Variants in RTN4 observed in about 807,000 individuals in gnomAD.
The protein encoded by RTN4 is reticulon 4, also known as reticulon-4.
A neutral mutation model predicts 90.4 loss-of-function variants in RTN4; 32 were observed. The observed-to-expected ratio is 0.35, with a 90% confidence interval of 0.27 to 0.48. The LOEUF is 0.48. Ranked by LOEUF, RTN4 falls within the 20% of genes least tolerant of loss-of-function variation. The probability of loss-of-function intolerance (pLI) is 0.99; values close to 1 mark genes in which losing one functional copy is unlikely to be tolerated. For missense variants in RTN4, 1,706 were observed against 1,430.2 expected (o/e 1.19, Z -3.11); for synonymous variants, 629 against 552.5 (o/e 1.14, Z -1.94).
At position 55,074,860 on chromosome 2, in the gene RTN4, A is replaced by G. The variant is rs138440549; in HGVS notation, c.-63+5629T>C. 1.9e-3 allele frequency among the ~76,000 whole-genome samples: 293 copies of G among 152,356 alleles called. 1 individual carries two copies. Among genetic ancestry groups the G allele is most frequent in the African/African-American group, 6.7e-3 (279 of 41,586 alleles). On this transcript the variant is annotated intron_variant, in intron 2 of 3. Transcript: ENST00000427710. ...TTATCTCAAGAGATGCAGAAAAAGC[A>G]TTTCACAAATCCAGCATCCCTTCAT...
chr2:55,092,862 T>G (rs2920871), intron 1 of RTN4, among the ~76,000 whole-genome samples: 140,061 of 152,362 alleles, frequency 0.92, 64,555 homozygotes, highest in Non-Finnish European at 0.95. Context: ...GGTGAAGTTT[T>G]ATTCTTTCAA....
the RTN4 span, among the ~76,000 whole-genome samples, chr2:55,127,764 G>A: frequency 5.3e-5 from 8 of 152,266 alleles, no homozygotes; most frequent in African/African-American, 1.7e-4. Flanking sequence ...CTCTGTGGAG[G>A]GGGCCATTTC....
intron 3 of RTN4, 138 bp downstream of exon 3, chr2:55,024,948 C>A: frequency 9.2e-7 from 1 of 1,084,006 alleles, no homozygotes; most frequent in Non-Finnish European, 1.3e-6. Context: ...AAACCTTTAA[C>A]TGAAAAAGTG....
At chr2:54,982,015 C>T (rs1426483975) in intron 5 of RTN4, among the ~76,000 whole-genome samples, 3 of 151,938 alleles carry the variant, frequency 2.0e-5, no homozygotes, top group Admixed American at 6.6e-5. Context: ...AATGCAATGG[C>T]GTGACCTCAG....
intron 1 of RTN4, 134 bp downstream of exon 1, chr2:55,049,611 C>T: frequency 2.8e-6 from 4 of 1,419,654 alleles, no homozygotes; most frequent in Non-Finnish European, 3.9e-6. Context: ...CCAGACGGGG[C>T]GCCATCGCCC....
intron 1 of RTN4, among the ~76,000 whole-genome samples, chr2:55,040,810 T>C (rs923473415): frequency 3.3e-5 from 5 of 151,976 alleles, no homozygotes; most frequent in African/African-American, 9.7e-5. Flanking sequence ...AAAAGGAATA[T>C]ATTAATTTTT....
At chr2:54,977,597 A>G (rs1294058246) in intron 5 of RTN4, among the ~76,000 whole-genome samples, 1 of 152,160 alleles carries the variant, frequency 6.6e-6, no homozygotes, top group Non-Finnish European at 1.5e-5. Context: ...AAGAAGGCTC[A>G]GTCAGACTCA....
At chr2:55,115,421 A>G (rs955291653), upstream of RTN4, among the ~76,000 whole-genome samples, 1 of 152,204 alleles carries the variant, frequency 6.6e-6, no homozygotes, top group Admixed American at 6.5e-5. Flanking sequence ...ATTCTCTTAT[A>G]AGAACTTCCG....
chr2:55,068,357 C>G (rs935502549), intron 2 of RTN4, among the ~76,000 whole-genome samples: 1 of 152,086 alleles, frequency 6.6e-6, no homozygotes, highest in Non-Finnish European at 1.5e-5. Flanking sequence ...TTATTGATAT[C>G]TTCCCAAGCT....
intron 3 of RTN4, among the ~76,000 whole-genome samples, chr2:55,011,597 T>G (rs1314802451): frequency 6.6e-6 from 1 of 152,154 alleles, no homozygotes; most frequent in African/African-American, 2.4e-5. Context: ...GAAATAGAGA[T>G]AATATTTTCT....
At chr2:55,062,684 TG>T (rs1354751955) in intron 2 of RTN4, among the ~76,000 whole-genome samples, 2 of 152,256 alleles carry the variant, frequency 1.3e-5, no homozygotes, top group African/African-American at 4.8e-5. Context: ...GATGACAGCC[TG>T]ACTTTTTCAC....
intron 1 of RTN4, chr2:55,049,445 G>C (rs1667967581): frequency 2.3e-6 from 1 of 439,708 alleles, no homozygotes; most frequent in Non-Finnish European, 4.3e-6. Context: ...CTCCTACTAC[G>C]GGTGGGTGCC....
intron 1 of RTN4, among the ~76,000 whole-genome samples, chr2:55,038,282 T>G (rs1682826290): frequency 6.6e-6 from 1 of 152,034 alleles, no homozygotes. Flanking sequence ...TAATTATGAC[T>G]TCTCAAAATT....
At chr2:55,072,146 GT>G (rs1240205297) in intron 2 of RTN4, among the ~76,000 whole-genome samples, 3 of 63,402 alleles carry the variant, frequency 4.7e-5, no homozygotes, top group African/African-American at 1.6e-4. Context: ...ATTGTTTTTA[GT>G]TATTTTTTTT....
intron 2 of RTN4, among the ~76,000 whole-genome samples, chr2:55,068,283 C>A (rs766081570): frequency 6.6e-6 from 1 of 152,108 alleles, no homozygotes; most frequent in Non-Finnish European, 1.5e-5. Context: ...GTCTTGCACT[C>A]TGAATGGATC....
chr2:55,062,214 T>A (rs1668309042), intron 2 of RTN4, among the ~76,000 whole-genome samples: 1 of 151,776 alleles, frequency 6.6e-6, no homozygotes, highest in Non-Finnish European at 1.5e-5. Context: ...AACCTTGCAC[T>A]CATTCTCCAA....
At chr2:55,013,630 G>T (rs1034343202) in intron 3 of RTN4, among the ~76,000 whole-genome samples, 1 of 127,218 alleles carries the variant, frequency 7.9e-6, no homozygotes, top group Non-Finnish European at 1.7e-5. Context: ...AGGGTGTAGG[G>T]GGGGTGGTAT....
At chr2:55,115,657 C>T (rs1668111340), upstream of RTN4, among the ~76,000 whole-genome samples, 1 of 152,188 alleles carries the variant, frequency 6.6e-6, no homozygotes. Flanking sequence ...TCCCAATAGC[C>T]CCTCAGTAGT....
the RTN4 span, among the ~76,000 whole-genome samples, chr2:55,136,319 T>C: frequency 6.6e-6 from 1 of 152,272 alleles, no homozygotes; most frequent in Admixed American, 6.5e-5. Context: ...CCCTTCCAGG[T>C]GCTGGCAGGC....
Sources: allele counts gnomAD v4.1 joint callset (sites outside exome capture counted in the v4.1 genomes callset), GRCh38; gene constraint gnomAD v4.1.1; transcripts MANE v1.5; gene names NCBI Gene and HGNC (gene_info 2026-07-23, HGNC 2026-07-21).